Variants in PDE7A observed in about 807,000 individuals in gnomAD.
PDE7A encodes high affinity 3',5'-cyclic-AMP phosphodiesterase 7A.
A neutral mutation model predicts 64.3 loss-of-function variants in PDE7A; 39 were observed. That is an observed-to-expected ratio of 0.61 (90% CI 0.47 to 0.79). The LOEUF is 0.79. PDE7A is among the 30% of genes least tolerant of loss of function. The probability of loss-of-function intolerance (pLI) is 0.00; values close to 1 mark genes in which losing one functional copy is unlikely to be tolerated. For missense variants in PDE7A, 470 were observed against 582.8 expected, an observed-to-expected ratio of 0.81 and a Z score of 1.99; for synonymous variants, 203 against 206.8, an observed-to-expected ratio of 0.98 and a Z score of 0.16.
At chr8:65,732,923 T>A (rs1368186379) in intron 7 of PDE7A, among the ~76,000 whole-genome samples, 1 of 152,148 alleles carries the variant, frequency 6.6e-6, no homozygotes. Context: ...TTGACCAGGC[T>A]GGTCTCAAAC....
At chr8:65,817,031 G>A (rs1009259673) in intron 1 of PDE7A, among the ~76,000 whole-genome samples, 1 of 152,050 alleles carries the variant, frequency 6.6e-6, no homozygotes, top group Non-Finnish European at 1.5e-5. Flanking sequence ...TTTCAAGATC[G>A]AATAATTTCT....
At position 65,718,638 on chromosome 8, in the gene PDE7A, C is replaced by T. The variant is rs966130286; in HGVS notation, c.*652G>A. 6.6e-6 allele frequency: 1 copy of T among 152,464 alleles called. No individual in the cohort carries two copies. The highest frequency in any genetic ancestry group is 1.5e-5 in the Non-Finnish European group (1 of 68,230). The allele number at this position is 152,464 out of a possible 1,614,324, so 9.4% of individuals were successfully genotyped here. A position where few individuals can be genotyped will look rare whatever the true frequency, so the allele number is the denominator to read the frequency against. On this transcript the variant is annotated 3_prime_UTR_variant, in exon 13 of 13. Transcript: ENST00000401827. ...TTGGCGGTACTCTACGATAAATGCT[C>T]AGTTTCCAGTGCATGAAATAAAACT...
intron 1 of PDE7A, among the ~76,000 whole-genome samples, chr8:65,795,132 T>G (rs1450702438): frequency 1.3e-5 from 2 of 152,186 alleles, no homozygotes; most frequent in African/African-American, 4.8e-5. Flanking sequence ...TATAAACAAC[T>G]AAAAAGTTAA....
Position 65,747,722 on chromosome 8 carries a change from C to A in PDE7A, c.365G>T (p.Arg122Leu), listed in dbSNP as rs368789851. 1 of 1,610,940 alleles carries A rather than the reference C, an allele frequency of 6.2e-7. No individual in the cohort carries two copies. The highest frequency in any genetic ancestry group is 8.5e-7 in the Non-Finnish European group (1 of 1,177,446). Residue 122 changes from arginine to leucine, a missense_variant, in exon 4 of 13, where the codon CGC (arginine) becomes CTC (leucine). By Grantham distance (102) the Arg-to-Leu change is moderately radical. Transcript: ENST00000401827. The stretch of plus-strand genomic sequence containing the variant: ...TGAAACCGCAGTACCACGAAAAAAG[C>A]GTGAAGATCTAAGATATCGCTGGAA... ...LSFQRYLRSS[R>L]FFRGTAVSNS...
intron 3 of PDE7A, among the ~76,000 whole-genome samples, chr8:65,764,403 AATG>A (rs1349559431): frequency 6.6e-6 from 1 of 152,264 alleles, no homozygotes; most frequent in African/African-American, 2.4e-5. Context: ...CTAAATTACA[AATG>A]ATGGATAGCT....
chr8:65,833,028 T>C (rs778612830), intron 1 of PDE7A, among the ~76,000 whole-genome samples: 1 of 152,246 alleles, frequency 6.6e-6, no homozygotes, highest in Non-Finnish European at 1.5e-5. Context: ...TTTAAACTTA[T>C]ATCTTCTCCA....
At chr8:65,749,963 CGG>C in intron 3 of PDE7A, among the ~76,000 whole-genome samples, 1 of 152,156 alleles carries the variant, frequency 6.6e-6, no homozygotes, top group Non-Finnish European at 1.5e-5. Flanking sequence ...AAGTATATAA[CGG>C]ACTCTTCTAA....
chr8:65,824,228 G>A (rs1266748007), intron 1 of PDE7A, among the ~76,000 whole-genome samples: 1 of 152,168 alleles, frequency 6.6e-6, no homozygotes, highest in Non-Finnish European at 1.5e-5. Flanking sequence ...ATGGTGATCT[G>A]TGATAGTGAT....
In PDE7A at chr8:65,779,779, G is replaced by C. The variant is rs1179990211; in HGVS notation, c.224C>G (p.Ala75Gly). 1 of 1,599,336 alleles carries C rather than the reference G, an allele frequency of 6.3e-7. No individual in the cohort carries two copies. Among genetic ancestry groups the C allele is most frequent in the South Asian group, 1.1e-5 (1 of 89,884 alleles). Reference protein sequence around the residue: ...MLGDVRVRSRAGFESERRGSH... With the variant: ...MLGDVRVRSRGGFESERRGSH... The stretch of plus-strand genomic sequence containing the variant: ...ACCTCTTCTTTCTGATTCAAATCCT[G>C]CTCGGCTCCTTACACGTACATCTCC... Residue 75 changes from alanine to glycine, a missense_variant, in exon 3 of 13, where the codon GCA (alanine) becomes GGA (glycine). By Grantham distance (60) the Ala-to-Gly change is moderately conservative (BLOSUM62 0). Transcript: ENST00000401827.
chr8:65,813,094 A>T (rs1810295415), intron 1 of PDE7A, among the ~76,000 whole-genome samples: 1 of 152,238 alleles, frequency 6.6e-6, no homozygotes, highest in African/African-American at 2.4e-5. Context: ...AGATTTGGAC[A>T]CAGTAGGCAC....
At chr8:65,813,840 A>G (rs1810314127) in intron 1 of PDE7A, among the ~76,000 whole-genome samples, 1 of 152,202 alleles carries the variant, frequency 6.6e-6, no homozygotes, top group Non-Finnish European at 1.5e-5. Flanking sequence ...CCCTTACAGC[A>G]TCTATTATAT....
At chr8:65,804,308 G>T (rs3935203) in intron 1 of PDE7A, among the ~76,000 whole-genome samples, 8,686 of 152,108 alleles carry the variant, frequency 0.057, 356 homozygotes, top group Middle Eastern at 0.11. Flanking sequence ...GAACATGGCT[G>T]GGGCATTACC....
intron 1 of PDE7A, among the ~76,000 whole-genome samples, chr8:65,814,510 C>CAAAAAA: frequency 2.8e-5 from 2 of 71,038 alleles, no homozygotes; most frequent in Non-Finnish European, 4.7e-5. Flanking sequence ...GACTCCGTCT[C>CAAAAAA]AAAAAAAAAA....
intron 1 of PDE7A, among the ~76,000 whole-genome samples, chr8:65,788,234 A>G (rs1189185166): frequency 6.6e-6 from 1 of 152,174 alleles, no homozygotes; most frequent in African/African-American, 2.4e-5. Context: ...AATAATTTCA[A>G]AGAGTATAAT....
chr8:65,792,674 T>C (rs1809733808), intron 1 of PDE7A, among the ~76,000 whole-genome samples: 1 of 152,200 alleles, frequency 6.6e-6, no homozygotes, highest in African/African-American at 2.4e-5. Flanking sequence ...GTGAACACTA[T>C]AGTAAAAACC....
At chr8:65,763,744 T>A (rs768109993) in intron 3 of PDE7A, among the ~76,000 whole-genome samples, 1 of 152,172 alleles carries the variant, frequency 6.6e-6, no homozygotes, top group Non-Finnish European at 1.5e-5. Flanking sequence ...GAAAGAAAGA[T>A]GAAAAGCAAA....
chr8:65,716,259 C>A lies in PDE7A; in HGVS notation c.*3031G>T, dbSNP rs1415661953. On this transcript the variant is annotated 3_prime_UTR_variant, in exon 13 of 13. Transcript: ENST00000401827. The stretch of plus-strand genomic sequence containing the variant: ...GTAGGCAGGAAATGGGAGCCACACC[C>A]ACAGTTCCCCTGAGAATGTGGAAAT... 1.3e-5 allele frequency among the ~76,000 whole-genome samples: 2 copies of A among 152,016 alleles called. No individual in the cohort carries two copies. Among genetic ancestry groups the A allele is most frequent in the African/African-American group, 4.8e-5 (2 of 41,382 alleles).
chr8:65,744,773 G>A (rs1006127759), intron 5 of PDE7A, among the ~76,000 whole-genome samples: 8 of 152,084 alleles, frequency 5.3e-5, no homozygotes, highest in African/African-American at 1.2e-4. Flanking sequence ...TAATAGCAGC[G>A]GCAATTGCCA....
intron 2 of PDE7A, among the ~76,000 whole-genome samples, chr8:65,782,213 A>T (rs528778133): frequency 1.3e-5 from 2 of 152,358 alleles, no homozygotes; most frequent in South Asian, 4.1e-4. Flanking sequence ...TTAAAGTGCA[A>T]GGATGAAGGA....
Sources: allele counts gnomAD v4.1 joint callset (sites outside exome capture counted in the v4.1 genomes callset), GRCh38; gene constraint gnomAD v4.1.1; transcripts MANE v1.5; gene names NCBI Gene and HGNC (gene_info 2026-07-23, HGNC 2026-07-21).